Variants in BCL2 observed in about 807,000 individuals in gnomAD.
The protein encoded by BCL2 is BCL2 apoptosis regulator.
A neutral mutation model predicts 14.2 loss-of-function variants in BCL2; 1 was observed. That is an observed-to-expected ratio of 0.07 (90% CI 0.02 to 0.33). BCL2 has a LOEUF of 0.33. Ranked by LOEUF, BCL2 falls within the 10% of genes least tolerant of loss-of-function variation. BCL2 has a pLI of 0.99. For missense variants in BCL2, 247 were observed against 305.9 expected (o/e 0.81, Z 1.44); for synonymous variants, 151 against 137.2 (o/e 1.10, Z -0.70).
intron 2 of BCL2, among the ~76,000 whole-genome samples, chr18:63,219,744 G>A: frequency 6.6e-6 from 1 of 152,190 alleles, no homozygotes; most frequent in Middle Eastern, 3.2e-3. Flanking sequence ...GCAAGGGCAA[G>A]TGAGCTCAGG....
chr18:63,213,035 C>A (rs564276161), intron 2 of BCL2, among the ~76,000 whole-genome samples: 1 of 152,302 alleles, frequency 6.6e-6, no homozygotes, highest in East Asian at 1.9e-4. Context: ...GGACTAAGTG[C>A]TGAAGCCAGA....
At chr18:63,154,894 G>A (rs1392304161) in intron 2 of BCL2, among the ~76,000 whole-genome samples, 1 of 152,128 alleles carries the variant, frequency 6.6e-6, no homozygotes, top group African/African-American at 2.4e-5. Flanking sequence ...TATTTAAACA[G>A]GTCCATAAAG....
chr18:63,258,545 T>C (rs1599274568), intron 2 of BCL2, among the ~76,000 whole-genome samples: 1 of 152,236 alleles, frequency 6.6e-6, no homozygotes, highest in South Asian at 2.1e-4. Context: ...ATAAAATATC[T>C]ATGTGATGTT....
At chr18:63,133,472 G>A (rs1000158986) in intron 2 of BCL2, among the ~76,000 whole-genome samples, 1 of 151,958 alleles carries the variant, frequency 6.6e-6, no homozygotes, top group Non-Finnish European at 1.5e-5. Context: ...TGTATTTTTA[G>A]TAGAGAAAGG....
intron 2 of BCL2, among the ~76,000 whole-genome samples, chr18:63,260,611 T>C (rs1911628833): frequency 6.6e-6 from 1 of 152,086 alleles, no homozygotes; most frequent in Non-Finnish European, 1.5e-5. Flanking sequence ...ATAACCCAAC[T>C]TCTTAAGGGT....
chr18:63,207,464 A>G (rs1291573203), intron 2 of BCL2, among the ~76,000 whole-genome samples: 1 of 152,262 alleles, frequency 6.6e-6, no homozygotes, highest in East Asian at 1.9e-4. Flanking sequence ...AAGAGCTAAC[A>G]TTGCACAGGG....
chr18:63,278,483 C>G (rs1320882890), intron 2 of BCL2, among the ~76,000 whole-genome samples: 2 of 152,204 alleles, frequency 1.3e-5, no homozygotes. Context: ...TGGTATCTGT[C>G]CTCACCCCTA....
chr18:63,207,048 AGAG>A (rs1325428713), intron 2 of BCL2, among the ~76,000 whole-genome samples: 1 of 152,220 alleles, frequency 6.6e-6, no homozygotes, highest in African/African-American at 2.4e-5. Context: ...GGGGTAAACA[AGAG>A]GAGATTTCAT....
intron 2 of BCL2, among the ~76,000 whole-genome samples, chr18:63,198,828 CAT>C (rs1208503432): frequency 6.7e-5 from 4 of 59,672 alleles, no homozygotes; most frequent in Non-Finnish European, 4.2e-5. Flanking sequence ...GACACACAGA[CAT>C]ACACAGACAC....
intron 2 of BCL2, among the ~76,000 whole-genome samples, chr18:63,243,913 A>G (rs1911082955): frequency 6.6e-6 from 1 of 152,198 alleles, no homozygotes; most frequent in African/African-American, 2.4e-5. Flanking sequence ...CTTCTACTTG[A>G]AATACAAAAT....
chr18:63,153,153 T>C (rs1599211631), intron 2 of BCL2, among the ~76,000 whole-genome samples: 1 of 152,246 alleles, frequency 6.6e-6, no homozygotes, highest in African/African-American at 2.4e-5. Flanking sequence ...ATGAGTTGAA[T>C]GAGTTATCAG....
chr18:63,211,741 T>C (rs1910011379), intron 2 of BCL2, among the ~76,000 whole-genome samples: 1 of 152,234 alleles, frequency 6.6e-6, no homozygotes. Flanking sequence ...GACTTGGCAT[T>C]GTCCTACTGT....
At chr18:63,225,749 G>C (rs1255276692) in intron 2 of BCL2, among the ~76,000 whole-genome samples, 2 of 152,210 alleles carry the variant, frequency 1.3e-5, no homozygotes, top group African/African-American at 2.4e-5. Context: ...AGTAGATGCA[G>C]GAGCCAGGTG....
At chr18:63,236,948 T>C (rs1910853513) in intron 2 of BCL2, among the ~76,000 whole-genome samples, 1 of 152,198 alleles carries the variant, frequency 6.6e-6, no homozygotes, top group Non-Finnish European at 1.5e-5. Context: ...TTCAGGATTT[T>C]TTCTTTTCTT....
At position 63,257,511 on chromosome 18, in the gene BCL2, G is replaced by A. The variant is rs151240079; in HGVS notation, c.585+60571C>T. Among the ~76,000 whole-genome samples the A allele has an allele frequency of 2.6e-3, 396 of 152,294 alleles. 2 individuals are homozygous for A. The highest frequency in any genetic ancestry group is 4.4e-3 in the Non-Finnish European group (299 of 68,022). On this transcript the variant is annotated intron_variant, in intron 2 of 2. Transcript: ENST00000333681. ...ATAATAATCCAGGAGACAGAGTCAC[G>A]ATAACACTGTTTATTGGTTTTCAAC...
At chr18:63,250,765 G>C (rs1911288386) in intron 2 of BCL2, among the ~76,000 whole-genome samples, 1 of 152,102 alleles carries the variant, frequency 6.6e-6, no homozygotes, top group Non-Finnish European at 1.5e-5. Context: ...ATAAGTCCAA[G>C]TAAAATATTT....
intron 2 of BCL2, among the ~76,000 whole-genome samples, chr18:63,190,451 A>C (rs748311131): frequency 1.3e-5 from 2 of 152,244 alleles, no homozygotes; most frequent in Non-Finnish European, 2.9e-5. Context: ...TTAGATCCCA[A>C]GTACAAAGGA....
chr18:63,207,954 A>T (rs926369271), intron 2 of BCL2: 1 of 152,254 alleles, frequency 6.6e-6, no homozygotes, highest in African/African-American at 2.4e-5. Flanking sequence ...TTTATTTAAC[A>T]TCTAAGGAAA....
intron 2 of BCL2, among the ~76,000 whole-genome samples, chr18:63,138,676 G>A (rs1046691967): frequency 2.0e-4 from 31 of 152,232 alleles, no homozygotes; most frequent in Non-Finnish European, 7.3e-5. Flanking sequence ...AGGGGGAGGG[G>A]CTGGTTGAAA....
Sources: allele counts gnomAD v4.1 joint callset (sites outside exome capture counted in the v4.1 genomes callset), GRCh38; gene constraint gnomAD v4.1.1; transcripts MANE v1.5; gene names NCBI Gene and HGNC (gene_info 2026-07-23, HGNC 2026-07-21).